The following CFAP54 variants were observed in gnomAD, a reference collection of about 807,000 sequenced individuals.
The protein encoded by CFAP54 is cilia and flagella associated protein 54, also known as cilia- and flagella-associated protein 54.
Under a neutral mutation model 370.4 loss-of-function variants are expected in CFAP54, and 290 were observed. The observed-to-expected ratio is 0.78, with a 90% CI of 0.71 to 0.86. The LOEUF (loss-of-function observed/expected upper bound fraction) is 0.86, where lower values mean the gene tolerates loss of function less well. Among genes scored for constraint, CFAP54 ranks in the 40% least tolerant of loss-of-function variants. The pLI is 0.00. For missense variants in CFAP54, 3,399 were observed against 3,528.7 expected, an observed-to-expected ratio of 0.96 and a Z score of 0.93; for synonymous variants, 1,206 against 1,236.5, an observed-to-expected ratio of 0.98 and a Z score of 0.52.
At chr12:96,732,860 G>GT (rs143874439) in intron 50 of CFAP54, among the ~76,000 whole-genome samples, 12,548 of 149,088 alleles carry the variant, frequency 0.084, 931 homozygotes, top group East Asian at 0.32. Context: ...CTATAGAACT[G>GT]TTTTTTTTTT....
chr12:96,841,776 C>T (rs17025959), intron 66 of CFAP54, among the ~76,000 whole-genome samples: 1,721 of 152,302 alleles, frequency 0.011, 80 homozygotes, highest in East Asian at 0.11. Flanking sequence ...CTAGATTCGT[C>T]GAAGGTCTCT....
intron 67 of CFAP54, among the ~76,000 whole-genome samples, chr12:96,863,192 G>C (rs913997540): frequency 6.6e-6 from 1 of 151,048 alleles, no homozygotes; most frequent in Non-Finnish European, 1.5e-5. Context: ...TGGATGGATG[G>C]ATGGATATAA....
intron 50 of CFAP54, among the ~76,000 whole-genome samples, chr12:96,728,575 C>T (rs1008485803): frequency 3.6e-4 from 55 of 152,252 alleles, no homozygotes; most frequent in African/African-American, 1.2e-3. Context: ...GTTATACATT[C>T]GTCTAAATTT....
intron 65 of CFAP54, among the ~76,000 whole-genome samples, chr12:96,819,536 G>A (rs1226757004): frequency 6.6e-6 from 1 of 152,080 alleles, no homozygotes; most frequent in East Asian, 1.9e-4. Flanking sequence ...TATGGATTTA[G>A]CTCACTTATA....
Position 96,842,127 on chromosome 12 carries a change from T to C in CFAP54, c.9171+13039T>C, listed in dbSNP as rs1959223994. 5.3e-5 allele frequency among the ~76,000 whole-genome samples: 8 copies of C among 152,312 alleles called. No individual in the cohort carries two copies. In the South Asian group the frequency reaches 1.7e-3, roughly 32 times the overall value. ...CTAAATGTTTGTAAATTTCAAAGAG[T>C]AAATGACCATTTTAATATGTATCTT... On this transcript the variant is annotated intron_variant, in intron 66 of 67. Transcript: ENST00000524981.
intron 33 of CFAP54, chr12:96,645,234 G>T: frequency 2.2e-6 from 1 of 453,026 alleles, no homozygotes; most frequent in South Asian, 1.6e-5. Flanking sequence ...ACATAATATG[G>T]AATACTGTGT....
At chr12:96,767,597 C>T (rs751425558) in intron 60 of CFAP54, among the ~76,000 whole-genome samples, 6 of 152,074 alleles carry the variant, frequency 3.9e-5, no homozygotes, top group Non-Finnish European at 7.4e-5. Context: ...CAGTCCTTTC[C>T]TGGCAGGCTG....
chr12:96,657,860 T>C, intron 36 of CFAP54, 22 bp from the exon 37 acceptor site: 4 of 1,479,048 alleles, frequency 2.7e-6, no homozygotes, highest in Non-Finnish European at 3.7e-6. Flanking sequence ...ACACATTTTT[T>C]TTTTCACTGT....
chr12:96,809,401 T>C (rs1958910166), intron 63 of CFAP54, among the ~76,000 whole-genome samples: 1 of 152,188 alleles, frequency 6.6e-6, no homozygotes, highest in Non-Finnish European at 1.5e-5. Flanking sequence ...GGAGATGGAT[T>C]CAACTTTATA....
intron 60 of CFAP54, among the ~76,000 whole-genome samples, chr12:96,771,457 C>T (rs1265554947): frequency 6.6e-6 from 1 of 152,192 alleles, no homozygotes; most frequent in Non-Finnish European, 1.5e-5. Flanking sequence ...TGGAGACCAT[C>T]CTGGCTAACA....
chr12:96,504,323 A>G (rs1053258854), intron 3 of CFAP54, among the ~76,000 whole-genome samples: 1 of 152,250 alleles, frequency 6.6e-6, no homozygotes, highest in East Asian at 1.9e-4. Flanking sequence ...CAAATTTGAT[A>G]AAGTAATTTT....
rs4762163 is a variant in CFAP54 at position 96,724,971 on chromosome 12, A to C, written c.6965+4406A>C. ...TGCTTGTTTTTCTCAGGTTTGTCAA[A>C]GATCAGATAGTTTTAGATATGTGGC... On this transcript the variant is annotated intron_variant, in intron 50 of 67. Coordinates refer to ENST00000524981, the MANE Select transcript of CFAP54 (RefSeq NM_001306084.2). Among the ~76,000 whole-genome samples the C allele has an allele frequency of 3.3e-5, 5 of 152,142 alleles. No homozygotes were observed. In the South Asian group the frequency reaches 8.3e-4, roughly 25 times the overall value.
intron 60 of CFAP54, among the ~76,000 whole-genome samples, chr12:96,781,422 AGT>A (rs749618444): frequency 1.1e-4 from 17 of 152,186 alleles, no homozygotes; most frequent in Non-Finnish European, 2.2e-4. Flanking sequence ...AAGGTTTGAC[AGT>A]GACCCTTAGT....
intron 26 of CFAP54, among the ~76,000 whole-genome samples, chr12:96,610,621 G>A (rs1007905515): frequency 6.6e-6 from 1 of 152,178 alleles, no homozygotes; most frequent in Non-Finnish European, 1.5e-5. Context: ...AAGGGGTCAG[G>A]GAATTCCGTT....
In CFAP54 at chr12:96,675,588, G is replaced by A. The variant is rs1243077874; in HGVS notation, c.5564-4012G>A. Among the ~76,000 whole-genome samples the A allele has an allele frequency of 3.9e-5, 6 of 152,126 alleles. No homozygotes were observed. In the East Asian group the frequency reaches 1.2e-3, roughly 29 times the overall value. The stretch of plus-strand genomic sequence containing the variant: ...TTTGACCCAGCCATCCCATTACTGG[G>A]TATATACCCAAAGGATTATAAATCA... On this transcript the variant is annotated intron_variant, in intron 39 of 67. Transcript: ENST00000524981.
intron 22 of CFAP54, among the ~76,000 whole-genome samples, chr12:96,581,641 G>C (rs1956033865): frequency 1.3e-5 from 2 of 151,022 alleles, no homozygotes; most frequent in South Asian, 4.2e-4. Context: ...TTTTATTTTT[G>C]TGTATCTATC....
At chr12:96,856,788 A>T (rs186698126) in intron 66 of CFAP54, among the ~76,000 whole-genome samples, 1 of 150,648 alleles carries the variant, frequency 6.6e-6, no homozygotes, top group Non-Finnish European at 1.5e-5. Flanking sequence ...AACTGTCCCA[A>T]CCTCTGCCTG....
chr12:96,625,740 A>G lies in CFAP54; in HGVS notation c.3909A>G (p.Gly1303=). The part of the protein sequence containing the change: ...TKQYVTSELS[G]GEDPIFLYPV... ...TAGATGTTACATCTGAACTCTCAGG[A>G]GGAGAGGACCCTATATTTCTTTATC... The change falls in exon 29 of 68, where the codon GGA becomes GGG. Residue 1303 remains glycine, a synonymous_variant. Coordinates refer to ENST00000524981, the MANE Select transcript of CFAP54 (RefSeq NM_001306084.2). 1.3e-6 allele frequency: 2 copies of G among 1,535,534 alleles called. No homozygotes were observed. Among genetic ancestry groups the G allele is most frequent in the Non-Finnish European group, 1.7e-6 (2 of 1,146,554 alleles).
At chr12:96,799,361 A>C (rs1958798802) in intron 63 of CFAP54, among the ~76,000 whole-genome samples, 1 of 152,116 alleles carries the variant, frequency 6.6e-6, no homozygotes, top group South Asian at 2.1e-4. Context: ...CGTGTTCAGC[A>C]TTTTTATTTG....
Sources: allele counts gnomAD v4.1 joint callset (sites outside exome capture counted in the v4.1 genomes callset), GRCh38; gene constraint gnomAD v4.1.1; transcripts MANE v1.5; gene names NCBI Gene and HGNC (gene_info 2026-07-23, HGNC 2026-07-21).